The following TAX1BP1 variants were observed in gnomAD, a reference collection of about 807,000 sequenced individuals.
The protein encoded by TAX1BP1 is Tax1 binding protein 1, also known as tax1-binding protein 1.
A neutral mutation model predicts 97.7 loss-of-function variants in TAX1BP1; 62 were observed. The observed-to-expected ratio is 0.63, with a 90% confidence interval of 0.52 to 0.78. The LOEUF (loss-of-function observed/expected upper bound fraction) is 0.78. TAX1BP1 is among the 30% of genes least tolerant of loss of function. The pLI, the probability that TAX1BP1 is intolerant of heterozygous loss-of-function variation, is 0.00. For missense variants in TAX1BP1, 867 were observed against 916.1 expected (o/e 0.95, Z 0.69); for synonymous variants, 340 against 304.2 (o/e 1.12, Z -1.23).
At chr7:27,806,332 C>A (rs1562735560) in intron 13 of TAX1BP1, among the ~76,000 whole-genome samples, 1 of 151,430 alleles carries the variant, frequency 6.6e-6, no homozygotes, top group Admixed American at 6.6e-5. Context: ...GTGATCCACC[C>A]GCCTCAGCCT....
intron 2 of TAX1BP1, among the ~76,000 whole-genome samples, chr7:27,751,556 CTTTAT>C (rs1445078515): frequency 6.6e-6 from 1 of 152,104 alleles, no homozygotes; most frequent in Non-Finnish European, 1.5e-5. Flanking sequence ...CTCTACCTAT[CTTTAT>C]TTTGTCTACT....
chr7:27,763,123 T>C (rs1251002499), intron 3 of TAX1BP1, among the ~76,000 whole-genome samples: 3 of 152,118 alleles, frequency 2.0e-5, no homozygotes, highest in Non-Finnish European at 4.4e-5. Flanking sequence ...AATATTAGAG[T>C]TATAGAAGGG....
intron 13 of TAX1BP1, among the ~76,000 whole-genome samples, chr7:27,806,049 A>T (rs953113889): frequency 6.6e-6 from 1 of 151,256 alleles, no homozygotes; most frequent in African/African-American, 2.4e-5. Context: ...GTTATAGAGG[A>T]GTTCACTTGT....
intron 1 of TAX1BP1, among the ~76,000 whole-genome samples, chr7:27,745,948 A>G (rs1206445874): frequency 6.6e-6 from 1 of 152,096 alleles, no homozygotes; most frequent in Admixed American, 6.5e-5. Flanking sequence ...ACAAATACAT[A>G]TATGTATACC....
At chr7:27,753,376 A>G (rs182488977) in intron 2 of TAX1BP1, among the ~76,000 whole-genome samples, 262 of 152,318 alleles carry the variant, frequency 1.7e-3, no homozygotes, top group Non-Finnish European at 1.8e-3. Context: ...GTAAAATACT[A>G]TATGTTACAT....
intron 15 of TAX1BP1, among the ~76,000 whole-genome samples, chr7:27,824,141 A>C (rs1201922229): frequency 6.6e-6 from 1 of 152,166 alleles, no homozygotes; most frequent in Admixed American, 6.5e-5. Context: ...TATACCCTGA[A>C]GTAGAATTGC....
intron 3 of TAX1BP1, among the ~76,000 whole-genome samples, chr7:27,763,204 C>G (rs1180471838): frequency 6.6e-6 from 1 of 152,074 alleles, no homozygotes; most frequent in Non-Finnish European, 1.5e-5. Context: ...ATGCAAAACC[C>G]AAAACATCTA....
intron 12 of TAX1BP1, among the ~76,000 whole-genome samples, chr7:27,799,692 A>G (rs572544726): frequency 3.3e-5 from 5 of 152,288 alleles, no homozygotes; most frequent in African/African-American, 9.6e-5. Flanking sequence ...TATATATTCT[A>G]TTTTAGCAAC....
chr7:27,805,570 C>T (rs1340199831), intron 13 of TAX1BP1, among the ~76,000 whole-genome samples: 1 of 152,186 alleles, frequency 6.6e-6, no homozygotes, highest in Non-Finnish European at 1.5e-5. Flanking sequence ...GGTGCTGTGG[C>T]TTACGCCTGT....
chr7:27,779,320 T>G (rs926051051), intron 5 of TAX1BP1, among the ~76,000 whole-genome samples: 1 of 152,132 alleles, frequency 6.6e-6, no homozygotes, highest in Non-Finnish European at 1.5e-5. Context: ...TTGAGGCAAA[T>G]ATCTTGAGGC....
At chr7:27,786,312 T>G (rs1024721745) in intron 7 of TAX1BP1, among the ~76,000 whole-genome samples, 2 of 152,046 alleles carry the variant, frequency 1.3e-5, no homozygotes, top group Non-Finnish European at 2.9e-5. Flanking sequence ...TTTGTATTTT[T>G]TTAGTAGAGA....
Position 27,828,769 on chromosome 7 carries a change from G to A in TAX1BP1, c.2310G>A (p.Gln770=). Residue 770 remains glutamine (Q), a synonymous_variant, in exon 17 of 17, where the codon CAG becomes CAA. Transcript: ENST00000396319. ...CSEQFPPDYD[Q]QVFERHVQTH... is the part of the protein sequence containing the mutation. ...AGCAGTTCCCTCCTGACTATGACCA[G>A]CAGGTGTTTGAAAGGCATGTGCAGA... is the stretch of plus-strand genomic sequence containing the variant. The A allele has an allele frequency of 6.2e-7, 1 of 1,613,590 alleles. No individual in the cohort carries two copies. Among genetic ancestry groups the A allele is most frequent in the Non-Finnish European group, 8.5e-7 (1 of 1,179,910 alleles).
At position 27,794,337 on chromosome 7, in the gene TAX1BP1, T is replaced by C. The variant is rs1157994838; in HGVS notation, c.1425T>C (p.Asn475=). The change falls in exon 11 of 17, where the codon AAT becomes AAC. Residue 475 remains asparagine (N), a synonymous_variant. Transcript: ENST00000396319. ...ATTTTGAATAGGCTAATAATAATAA[T>C]GTCTTCACAAAGAAAACGGGGAATC... ...KLSDQSANNN[N]VFTKKTGNQQ... is the part of the protein sequence containing the mutation. 6.8e-6 allele frequency: 11 copies of C among 1,611,870 alleles called. No individual in the cohort carries two copies. Among genetic ancestry groups the C allele is most frequent in the Non-Finnish European group, 7.6e-6 (9 of 1,178,724 alleles).
At chr7:27,801,674 AG>A (rs1790142868) in intron 13 of TAX1BP1, among the ~76,000 whole-genome samples, 1 of 152,220 alleles carries the variant, frequency 6.6e-6, no homozygotes, top group Non-Finnish European at 1.5e-5. Flanking sequence ...ACACCACCCT[AG>A]GTAATCATCT....
intron 15 of TAX1BP1, among the ~76,000 whole-genome samples, chr7:27,826,290 T>C (rs929223473): frequency 1.1e-4 from 16 of 152,368 alleles, no homozygotes; most frequent in African/African-American, 3.8e-4. Context: ...TGCTCAGTTA[T>C]ATCCTATGGG....
At chr7:27,764,774 T>G (rs1341516793) in intron 3 of TAX1BP1, among the ~76,000 whole-genome samples, 1 of 151,828 alleles carries the variant, frequency 6.6e-6, no homozygotes, top group African/African-American at 2.4e-5. Flanking sequence ...TTAGAAAGAA[T>G]TTTCTTCTTC....
chr7:27,816,504 A>G lies in TAX1BP1; in HGVS notation c.1920A>G (p.Ala640=), dbSNP rs1305810647. The G allele has an allele frequency of 4.6e-6, 7 of 1,536,282 alleles. No individual in the cohort carries two copies. Among genetic ancestry groups the G allele is most frequent in the African/African-American group, 1.4e-5 (1 of 69,294 alleles). Residue 640 remains alanine (A), a synonymous_variant, in exon 14 of 17, where the codon GCA becomes GCG. Transcript: ENST00000396319. The part of the protein sequence containing the change: ...QPVLQYGNPY[A]SQETRDGADG... ...TTCTGCAATATGGTAATCCTTATGC[A>G]TCTCAGGAAACAAGAGGTTATTACA...
At chr7:27,787,737 A>G (rs1191086380) in intron 8 of TAX1BP1, 134 bp downstream of exon 8, 1 of 798,458 alleles carries the variant, frequency 1.3e-6, no homozygotes, top group Non-Finnish European at 1.9e-6. Flanking sequence ...TTGGAAGAAC[A>G]GAACAATGAA....
At chr7:27,765,139 C>T (rs889042688) in intron 3 of TAX1BP1, among the ~76,000 whole-genome samples, 1 of 146,478 alleles carries the variant, frequency 6.8e-6, no homozygotes, top group African/African-American at 2.5e-5. Context: ...CTTCAGCCTC[C>T]CTAGTAGCTG....
Sources: allele counts gnomAD v4.1 joint callset (sites outside exome capture counted in the v4.1 genomes callset), GRCh38; gene constraint gnomAD v4.1.1; transcripts MANE v1.5; gene names NCBI Gene and HGNC (gene_info 2026-07-23, HGNC 2026-07-21).